PFKP: variants seen among roughly 807,000 people sequenced by gnomAD.
PFKP encodes the protein phosphofructokinase, platelet, also known as ATP-dependent 6-phosphofructokinase, platelet type.
In PFKP, 101 loss-of-function variants were observed where a neutral mutation model predicts 94.3. That is an observed-to-expected ratio of 1.07 (90% CI 0.91 to 1.26). The LOEUF is 1.26. Among genes scored for constraint, PFKP ranks in the 50% most tolerant of loss-of-function variants. PFKP has a pLI of 0.00. For synonymous variants in PFKP, 573 were observed against 432.6 expected, an observed-to-expected ratio of 1.32 and a Z score of -4.03; for missense variants, 1,145 against 1,103.3, an observed-to-expected ratio of 1.04 and a Z score of -0.53.
intron 2 of PFKP, among the ~76,000 whole-genome samples, chr10:3,091,663 C>T (rs1454847035): frequency 6.6e-6 from 1 of 152,094 alleles, no homozygotes; most frequent in African/African-American, 2.4e-5. Context: ...AAGAACACAA[C>T]AGGTAGCTGG....
chr10:3,130,268 C>T (rs2279214), intron 17 of PFKP, among the ~76,000 whole-genome samples: 59,488 of 152,028 alleles, frequency 0.39, 11,786 homozygotes, highest in African/African-American at 0.45. Flanking sequence ...ACTTATGTCA[C>T]CAATGATTTG....
chr10:3,079,138 G>T (rs1017626164), intron 1 of PFKP, among the ~76,000 whole-genome samples: 26 of 152,182 alleles, frequency 1.7e-4, no homozygotes, highest in Non-Finnish European at 3.1e-4. Flanking sequence ...CGGAGTGGGG[G>T]TGGGGAGAAT....
intron 2 of PFKP, among the ~76,000 whole-genome samples, chr10:3,086,590 C>T (rs1833622328): frequency 6.6e-6 from 1 of 152,180 alleles, no homozygotes; most frequent in South Asian, 2.1e-4. Context: ...GGACCACACC[C>T]CACAAAGAAT....
chr10:3,098,699 T>C (rs1385212159), intron 2 of PFKP, among the ~76,000 whole-genome samples: 388 of 129,048 alleles, frequency 3.0e-3, no homozygotes, highest in South Asian at 0.013. Context: ...AAGGTAATTG[T>C]CCTTGGGCTT....
intron 2 of PFKP, among the ~76,000 whole-genome samples, chr10:3,088,138 C>T (rs1269382674): frequency 1.8e-5 from 2 of 113,044 alleles, no homozygotes; most frequent in Admixed American, 9.5e-5. Flanking sequence ...AATGCTATCC[C>T]TCCCCCCTCC....
At chr10:3,099,924 GGT>G (rs986326637) in intron 3 of PFKP, among the ~76,000 whole-genome samples, 7 of 151,726 alleles carry the variant, frequency 4.6e-5, no homozygotes, top group African/African-American at 1.7e-4. Flanking sequence ...TCTGTATGTA[GGT>G]GTGTGAGTCT....
At chr10:3,090,717 C>G (rs1381273625) in intron 2 of PFKP, among the ~76,000 whole-genome samples, 2 of 152,130 alleles carry the variant, frequency 1.3e-5, no homozygotes, top group Non-Finnish European at 2.9e-5. Context: ...TCATGACAGT[C>G]AAAGATGTCC....
At chr10:3,116,747 A>T in intron 13 of PFKP, 29 bp from the exon 14 acceptor site, 1 of 1,568,442 alleles carries the variant, frequency 6.4e-7, no homozygotes, top group Non-Finnish European at 8.8e-7. Flanking sequence ...TGTTCACTTT[A>T]GCTGTTTCGT....
At position 3,136,676 on chromosome 10, in the gene PFKP, A is replaced by G; in HGVS notation, c.*97A>G. Reference sequence around the variant, plus strand: ...AGCACTTTATGCACGTATTATTGACATTAATACCTAATCGGCGAGTGCCCA... The same window carrying G: ...AGCACTTTATGCACGTATTATTGACGTTAATACCTAATCGGCGAGTGCCCA... On this transcript the variant is annotated 3_prime_UTR_variant, in exon 22 of 22. Transcript: ENST00000381125. 8 of 1,341,290 alleles carry G rather than the reference A, an allele frequency of 6.0e-6. No homozygotes were observed. The highest frequency in any genetic ancestry group is 8.3e-6 in the Non-Finnish European group (8 of 967,394). 83.1% of individuals were successfully genotyped at this position (1,341,290 alleles called of 1,614,324 possible).
chr10:3,091,605 A>G lies in PFKP; in HGVS notation c.187-7670A>G, dbSNP rs576155547. Among the ~76,000 whole-genome samples, 118 of 152,250 alleles carry G rather than the reference A, an allele frequency of 7.8e-4. 1 individual carries two copies. In the South Asian group the frequency reaches 0.012, roughly 15 times the overall value. On this transcript the variant is annotated intron_variant, in intron 2 of 21. Coordinates refer to ENST00000381125, the MANE Select transcript of PFKP (RefSeq NM_002627.5). Reference sequence around the variant, plus strand: ...TGAGGCGGATGGATCCTTTGAGGTCAGGAGTTAAAGACCAGCGCGGCCAAC... The same window carrying G: ...TGAGGCGGATGGATCCTTTGAGGTCGGGAGTTAAAGACCAGCGCGGCCAAC...
Position 3,116,805 on chromosome 10 carries a change from G to A in PFKP, c.1401G>A (p.Gly467=), listed in dbSNP as rs965535959. ...QIKEIGWTDV[G]GWTGQGGSIL... ...AAGAAATCGGCTGGACAGATGTCGGGGGCTGGACCGGCCAAGGAGGCTCCA... is the reference window on the plus strand; with the variant it reads ...AAGAAATCGGCTGGACAGATGTCGGAGGCTGGACCGGCCAAGGAGGCTCCA... The change falls in exon 14 of 22, where the codon GGG becomes GGA. Residue 467 remains glycine, a synonymous_variant. Transcript: ENST00000381125. 1.9e-6 allele frequency: 3 copies of A among 1,613,786 alleles called. No homozygotes were observed. In the Admixed American group the frequency reaches 5.0e-5, roughly 27 times the overall value.
At position 3,103,451 on chromosome 10, in the gene PFKP, C is replaced by A. The variant is rs146757747; in HGVS notation, c.455-328C>A. ...CACTTGAGCCCAGGAATTTAAGACC[C>A]GCCTGGGCAACATAGAGTGTGGGTC... On this transcript the variant is annotated intron_variant, in intron 4 of 21. Transcript: ENST00000381125. Among the ~76,000 whole-genome samples, 814 of 152,178 alleles carry A rather than the reference C, an allele frequency of 5.3e-3. 11 individuals are homozygous for A. The highest frequency in any genetic ancestry group is 0.014 in the Middle Eastern group (4 of 294).
At chr10:3,125,172 C>T (rs1424687141) in intron 16 of PFKP, 3 of 1,349,294 alleles carry the variant, frequency 2.2e-6, no homozygotes, top group Non-Finnish European at 2.0e-6. Flanking sequence ...GTGTGTGGTG[C>T]CGGCCACGAT....
intron 13 of PFKP, 126 bp from the exon 14 acceptor site, chr10:3,116,650 C>T (rs944257996): frequency 1.1e-4 from 85 of 745,552 alleles, no homozygotes; most frequent in South Asian, 9.6e-4. Flanking sequence ...TAAATGCTGT[C>T]TCATACGCCT....
intron 8 of PFKP, chr10:3,107,867 A>G: frequency 8.5e-6 from 11 of 1,288,068 alleles, no homozygotes; most frequent in Non-Finnish European, 1.1e-5. Flanking sequence ...GGACTCTGAT[A>G]CCATGGGCTG....
chr10:3,115,794 T>C lies in PFKP; in HGVS notation c.1372-982T>C, dbSNP rs572445880. On this transcript the variant is annotated intron_variant, in intron 13 of 21. Coordinates refer to ENST00000381125, the MANE Select transcript of PFKP (RefSeq NM_002627.5). ...CCAGGACTGATTCCTCAGGGCGCCATTGTTAAGAGTAGGGTGGGAAGAGGA... is the reference window on the plus strand; with the variant it reads ...CCAGGACTGATTCCTCAGGGCGCCACTGTTAAGAGTAGGGTGGGAAGAGGA... Among the ~76,000 whole-genome samples, 40 of 152,174 alleles carry C rather than the reference T, an allele frequency of 2.6e-4. No homozygotes were observed. The South Asian group carries it at 7.3e-3, about 28-fold the overall frequency.
intron 2 of PFKP, among the ~76,000 whole-genome samples, chr10:3,096,459 G>A (rs1369193639): frequency 6.6e-6 from 1 of 152,118 alleles, no homozygotes; most frequent in Non-Finnish European, 1.5e-5. Flanking sequence ...CAGTTTTGCC[G>A]GAGCCCCAGG....
In PFKP at chr10:3,108,719, G is replaced by A. The variant is rs1008313556; in HGVS notation, c.889G>A (p.Gly297Ser). The A allele has an allele frequency of 3.7e-6, 6 of 1,613,740 alleles. No homozygotes were observed. The highest frequency in any genetic ancestry group is 3.3e-4 in the Middle Eastern group (2 of 6,082). ...KIKELVVTQLGYDTRVTILGH... is the reference protein window; with the variant it reads ...KIKELVVTQLSYDTRVTILGH... ...CTTGCAGCTTGTCGTCACGCAGCTG[G>A]GCTATGACACACGTGTGACCATCCT... The change falls in exon 9 of 22, where the codon GGC becomes AGC. Residue 297 changes from glycine to serine, a missense_variant. Physicochemically the swap from Gly to Ser is moderately conservative, Grantham distance 56. This residue lies in a region of PFKP where 1,119 missense variants were observed against 1,062.8 expected (regional missense o/e 1.05). Coordinates refer to ENST00000381125, the MANE Select transcript of PFKP (RefSeq NM_002627.5).
At position 3,100,867 on chromosome 10, in the gene PFKP, A is replaced by T. The variant is rs7474978; in HGVS notation, c.265-498A>T. On this transcript the variant is annotated intron_variant, in intron 3 of 21. Transcript: ENST00000381125. ...GGGGCAGCGAGTATGTGGTGCAAAA[A>T]AAAAAAAAAAAAAAATCCCCCTGGC... 137 of 470,606 alleles carry T rather than the reference A, an allele frequency of 2.9e-4. No individual in the cohort carries two copies. The Middle Eastern group carries it at 3.9e-3, about 13-fold the overall frequency. 29.2% of individuals were successfully genotyped at this position (470,606 alleles called of 1,614,324 possible). A position where few individuals can be genotyped will look rare whatever the true frequency, so the allele number is the denominator to read the frequency against.
Sources: allele counts gnomAD v4.1 joint callset (sites outside exome capture counted in the v4.1 genomes callset), GRCh38; gene constraint gnomAD v4.1.1; regional missense constraint gnomAD v4.1.1; transcripts MANE v1.5; gene names NCBI Gene and HGNC (gene_info 2026-07-23, HGNC 2026-07-21).